Variants in ITGA9 observed in about 807,000 individuals in gnomAD.
ITGA9 encodes the protein integrin subunit alpha 9.
In ITGA9, 56 loss-of-function variants were observed where a neutral mutation model predicts 127.8. The observed-to-expected ratio is 0.44, with a 90% CI of 0.35 to 0.55. The LOEUF is 0.55. ITGA9 is among the 20% of genes least tolerant of loss of function. The pLI, the probability that ITGA9 is intolerant of heterozygous loss-of-function variation, is 0.00. For missense variants in ITGA9, 1,196 were observed against 1,347.1 expected, an observed-to-expected ratio of 0.89 and a Z score of 1.76; for synonymous variants, 508 against 514.5, an observed-to-expected ratio of 0.99 and a Z score of 0.17.
chr3:37,781,427 C>T (rs1030919964), intron 25 of ITGA9, among the ~76,000 whole-genome samples: 1 of 152,128 alleles, frequency 6.6e-6, no homozygotes, highest in Non-Finnish European at 1.5e-5. Context: ...AGGCAGAGGG[C>T]CAGATTTGAC....
At chr3:37,671,001 A>G (rs1457243690) in intron 17 of ITGA9, among the ~76,000 whole-genome samples, 1 of 152,224 alleles carries the variant, frequency 6.6e-6, no homozygotes, top group Non-Finnish European at 1.5e-5. Context: ...TTTCTGTGCA[A>G]TGGCCAAGTG....
intron 18 of ITGA9, among the ~76,000 whole-genome samples, chr3:37,721,962 C>T (rs552132559): frequency 1.3e-5 from 2 of 152,196 alleles, no homozygotes; most frequent in Non-Finnish European, 2.9e-5. Flanking sequence ...TGGTATGACT[C>T]CCCTGCTCAG....
intron 15 of ITGA9, among the ~76,000 whole-genome samples, chr3:37,622,596 AT>A (rs2125632113): frequency 6.6e-6 from 1 of 151,990 alleles, no homozygotes; most frequent in South Asian, 2.1e-4. Flanking sequence ...CAATCCCAGC[AT>A]TTTGGGAGGC....
intron 14 of ITGA9, among the ~76,000 whole-genome samples, chr3:37,541,063 G>A (rs1699260614): frequency 6.6e-6 from 1 of 152,222 alleles, no homozygotes; most frequent in African/African-American, 2.4e-5. Flanking sequence ...TGCCCATTCA[G>A]GTCACCTTCC....
chr3:37,629,067 G>C lies in ITGA9; in HGVS notation c.1690-120G>C. ...TGAAAGTCATAAAACCCTACCTCAC[G>C]AGGGTGATTGTGAGGATTATATGAG... On this transcript the variant is annotated intron_variant, in intron 15 of 27. Transcript: ENST00000264741. The surrounding 1 kb of genome is among the most constrained non-coding windows in gnomAD (Gnocchi z 4.5). 8.6e-7 allele frequency: 1 copy of C among 1,156,438 alleles called. No individual in the cohort carries two copies. The highest frequency in any genetic ancestry group is 1.3e-6 in the Non-Finnish European group (1 of 772,934). 71.6% of individuals were successfully genotyped at this position (1,156,438 alleles called of 1,614,324 possible).
chr3:37,512,917 G>A (rs2125576969), intron 8 of ITGA9, among the ~76,000 whole-genome samples: 1 of 152,134 alleles, frequency 6.6e-6, no homozygotes, highest in South Asian at 2.1e-4. Flanking sequence ...TGGTATTTGG[G>A]TTTGAGACCC....
chr3:37,617,100 A>C (rs963802446), intron 15 of ITGA9, among the ~76,000 whole-genome samples: 4 of 146,382 alleles, frequency 2.7e-5, no homozygotes, highest in East Asian at 2.0e-4. Context: ...GTGGCTGGTA[A>C]TGGTTGTTCC....
rs890790406 is a variant in ITGA9, at chr3:37,799,651, C to T, written c.2890-4172C>T. On this transcript the variant is annotated intron_variant, in intron 26 of 27. Coordinates refer to ENST00000264741, the MANE Select transcript of ITGA9 (RefSeq NM_002207.3). This position sits in a 1 kb window ranked among gnomAD's most constrained non-coding sequence, Gnocchi z 4.0. ...AAGGAAAGTCATGGATACTGTAAACCGAGAAGTGACATGATGAGACCTGTG... is the reference window on the plus strand; with the variant it reads ...AAGGAAAGTCATGGATACTGTAAACTGAGAAGTGACATGATGAGACCTGTG... Among the ~76,000 whole-genome samples the T allele has an allele frequency of 6.6e-6, 1 of 152,190 alleles. No homozygotes were observed.
chr3:37,472,345 T>G (rs1360908083), intron 2 of ITGA9, among the ~76,000 whole-genome samples: 1 of 152,246 alleles, frequency 6.6e-6, no homozygotes, highest in Non-Finnish European at 1.5e-5. Flanking sequence ...TGCAAGCATT[T>G]CTTTCTCCAA....
chr3:37,730,224 A>G (rs1054960608), intron 18 of ITGA9, among the ~76,000 whole-genome samples: 8 of 152,196 alleles, frequency 5.3e-5, no homozygotes, highest in Admixed American at 2.0e-4. Context: ...ATTATACCAG[A>G]ATGACAGAAA....
chr3:37,555,808 C>T (rs1166256900), intron 15 of ITGA9, among the ~76,000 whole-genome samples: 1 of 152,190 alleles, frequency 6.6e-6, no homozygotes, highest in African/African-American at 2.4e-5. Context: ...GCCCCATATA[C>T]AATGGGGGAA....
intron 4 of ITGA9, among the ~76,000 whole-genome samples, chr3:37,482,117 GGAGAGGA>G (rs1698562230): frequency 6.6e-6 from 1 of 152,296 alleles, no homozygotes; most frequent in Admixed American, 6.5e-5. Context: ...GAGGCTGGGG[GGAGAGGA>G]GACCCAGGAT....
chr3:37,741,200 A>C (rs1352087349), intron 20 of ITGA9, among the ~76,000 whole-genome samples: 1 of 152,136 alleles, frequency 6.6e-6, no homozygotes, highest in Non-Finnish European at 1.5e-5. Flanking sequence ...TCCCAGCACC[A>C]GCCACCCTGC....
In ITGA9 at chr3:37,542,168, A is replaced by T. The variant is rs115029075; in HGVS notation, c.1529-257A>T. Among the ~76,000 whole-genome samples, 655 of 152,222 alleles carry T rather than the reference A, an allele frequency of 4.3e-3. 8 individuals are homozygous for T. Among genetic ancestry groups the T allele is most frequent in the African/African-American group, 0.015 (630 of 41,524 alleles). On this transcript the variant is annotated intron_variant, in intron 14 of 27. Coordinates refer to ENST00000264741, the MANE Select transcript of ITGA9 (RefSeq NM_002207.3). ...ATACCTCATGATGGCATGAGGTTTA[A>T]ATCAGGGAGAGCCGTGAAGTATGAC...
intron 3 of ITGA9, among the ~76,000 whole-genome samples, chr3:37,476,474 G>A (rs1698495787): frequency 6.6e-6 from 1 of 151,912 alleles, no homozygotes; most frequent in East Asian, 1.9e-4. Flanking sequence ...TCATCTGCTT[G>A]TTGGTCATTT....
chr3:37,783,566 G>T (rs1697003892), intron 25 of ITGA9, among the ~76,000 whole-genome samples: 1 of 151,978 alleles, frequency 6.6e-6, no homozygotes, highest in Non-Finnish European at 1.5e-5. Flanking sequence ...TGACCTCCTA[G>T]CCTCAAGTGA....
chr3:37,489,111 A>G (rs1365298620), intron 4 of ITGA9, among the ~76,000 whole-genome samples: 2 of 152,270 alleles, frequency 1.3e-5, no homozygotes, highest in Non-Finnish European at 2.9e-5. Context: ...TTCACTTAGC[A>G]TAATGTCCTC....
intron 18 of ITGA9, among the ~76,000 whole-genome samples, chr3:37,731,215 T>C (rs529040979): frequency 2.0e-5 from 3 of 152,206 alleles, no homozygotes; most frequent in East Asian, 1.9e-4. Context: ...GAATCTGCAT[T>C]TTATTTATTT....
chr3:37,553,314 C>G (rs1233072074), intron 15 of ITGA9, among the ~76,000 whole-genome samples: 1 of 152,210 alleles, frequency 6.6e-6, no homozygotes, highest in Admixed American at 6.5e-5. Flanking sequence ...CTGCAGAACT[C>G]ACTCAAATAT....
Sources: gnomAD v4.1 joint callset for allele counts (sites outside exome capture counted in the v4.1 genomes callset) on GRCh38, gnomAD v4.1.1 for gene constraint, Gnocchi (gnomAD v3.1) non-coding constraint, MANE v1.5 for transcripts, NCBI Gene and HGNC (gene_info 2026-07-23, HGNC 2026-07-21) for gene names.